CCDC102B: variants seen among roughly 807,000 people sequenced by gnomAD.
The protein encoded by CCDC102B is coiled-coil domain containing 102B.
Under a neutral mutation model 57.4 loss-of-function variants are expected in CCDC102B, and 75 were observed. The observed-to-expected ratio is 1.31, with a 90% CI of 1.08 to 1.58. CCDC102B has a LOEUF of 1.58. Among genes scored for constraint, CCDC102B ranks in the 40% most tolerant of loss-of-function variants. The probability of loss-of-function intolerance (pLI) is 0.00; values close to 1 mark genes in which losing one functional copy is unlikely to be tolerated. For synonymous variants in CCDC102B, 206 were observed against 201.9 expected (o/e 1.02, Z -0.17); for missense variants, 636 against 582.6 (o/e 1.09, Z -0.94).
intron 4 of CCDC102B, among the ~76,000 whole-genome samples, chr18:68,864,402 AT>A (rs945694833): frequency 3.9e-5 from 6 of 152,048 alleles, no homozygotes; most frequent in African/African-American, 1.4e-4. Flanking sequence ...AAATACTGAT[AT>A]TGGGATCCTA....
chr18:68,892,686 G>A (rs184850363), intron 5 of CCDC102B, among the ~76,000 whole-genome samples: 5 of 152,108 alleles, frequency 3.3e-5, no homozygotes, highest in East Asian at 1.9e-4. Context: ...ATCTATTTTT[G>A]TATTGATTAC....
upstream of CCDC102B, among the ~76,000 whole-genome samples, chr18:68,797,190 A>G (rs2035660070): frequency 6.6e-6 from 1 of 152,146 alleles, no homozygotes; most frequent in Non-Finnish European, 1.5e-5. Context: ...GTAAGTGGGA[A>G]AAGAATGTTA....
chr18:68,733,083 T>C (rs1374859759), intron 2 of CCDC102B, among the ~76,000 whole-genome samples: 4 of 152,022 alleles, frequency 2.6e-5, no homozygotes, highest in East Asian at 3.9e-4. Context: ...TTATGTAAAT[T>C]CGCAAGTCTT....
At chr18:68,770,376 T>C (rs1169483524) in intron 2 of CCDC102B, among the ~76,000 whole-genome samples, 1 of 152,256 alleles carries the variant, frequency 6.6e-6, no homozygotes, top group African/African-American at 2.4e-5. Flanking sequence ...TTATTTCTTA[T>C]GTATCCATGT....
intron 2 of CCDC102B, chr18:68,753,263 G>A (rs1201096430): frequency 3.3e-5 from 5 of 151,842 alleles, no homozygotes; most frequent in South Asian, 2.1e-4. Flanking sequence ...TACACTTTTC[G>A]TGCTTGAGAA....
intron 4 of CCDC102B, among the ~76,000 whole-genome samples, chr18:68,870,065 A>C (rs1043260928): frequency 1.3e-5 from 2 of 152,032 alleles, no homozygotes; most frequent in African/African-American, 4.8e-5. Flanking sequence ...GGCCTCTGGA[A>C]ACCATAATTC....
chr18:68,728,120 G>A (rs2032684044), intron 2 of CCDC102B, among the ~76,000 whole-genome samples: 1 of 152,138 alleles, frequency 6.6e-6, no homozygotes, highest in Non-Finnish European at 1.5e-5. Flanking sequence ...TGGACATTCT[G>A]GAGGTCAAGC....
chr18:68,897,507 A>C lies in CCDC102B; in HGVS notation c.1263+79A>C, dbSNP rs944195202. ...ACGCAGAGTCTGTCTTCACTCGTACACGCCTCCACATTTGGATATTTCCTT... is the reference window on the plus strand; with the variant it reads ...ACGCAGAGTCTGTCTTCACTCGTACCCGCCTCCACATTTGGATATTTCCTT... On this transcript the variant is annotated intron_variant, in intron 6 of 7. Coordinates refer to ENST00000360242, the MANE Select transcript of CCDC102B (RefSeq NM_024781.3). The C allele has an allele frequency of 1.7e-5, 26 of 1,548,224 alleles. No individual in the cohort carries two copies. The African/African-American group carries it at 3.3e-4, about 19-fold the overall frequency.
chr18:68,831,321 G>T (rs553261664), intron 1 of CCDC102B, among the ~76,000 whole-genome samples: 20 of 152,142 alleles, frequency 1.3e-4, no homozygotes, highest in African/African-American at 4.8e-4. Flanking sequence ...AATAGCAATA[G>T]CTTGAAGAGG....
intron 6 of CCDC102B, among the ~76,000 whole-genome samples, chr18:68,999,133 C>T (rs1168630751): frequency 6.6e-6 from 1 of 151,134 alleles, no homozygotes; most frequent in African/African-American, 2.4e-5. Context: ...GAGAAGTTTT[C>T]CTGGAGTCAT....
chr18:69,005,808 G>GTA (rs369385857), intron 6 of CCDC102B, among the ~76,000 whole-genome samples: 1,591 of 150,480 alleles, frequency 0.011, 17 homozygotes, highest in African/African-American at 0.018. Flanking sequence ...ATTAAAATAT[G>GTA]TATATATATA....
intron 7 of CCDC102B, among the ~76,000 whole-genome samples, chr18:69,034,251 G>T (rs1454263018): frequency 6.6e-6 from 1 of 151,534 alleles, no homozygotes; most frequent in Non-Finnish European, 1.5e-5. Flanking sequence ...TTTCTCTATT[G>T]TTGCTTGAGC....
rs775658277 is a variant in CCDC102B at position 68,839,027 on chromosome 18, TG to T, written c.827+102del. 21 of 947,718 alleles carry T rather than the reference TG, an allele frequency of 2.2e-5. No individual in the cohort carries two copies. In the African/African-American group the frequency reaches 3.1e-4, roughly 14 times the overall value. 58.7% of individuals were successfully genotyped at this position (947,718 alleles called of 1,614,324 possible). On this transcript the variant is annotated intron_variant, in intron 3 of 7. Coordinates refer to ENST00000360242, the MANE Select transcript of CCDC102B (RefSeq NM_024781.3). ...GTCATTTGATAATGTATTTTATCCA[TG>T]TTTAGTCATTAAGTTTTAGGATTTA...
chr18:69,008,883 T>C (rs2051424333), intron 6 of CCDC102B, among the ~76,000 whole-genome samples: 1 of 152,222 alleles, frequency 6.6e-6, no homozygotes, highest in South Asian at 2.1e-4. Flanking sequence ...TCCATGTGAA[T>C]ATATAAAAGG....
chr18:68,907,528 C>CT (rs996055740), intron 6 of CCDC102B, among the ~76,000 whole-genome samples: 24 of 152,128 alleles, frequency 1.6e-4, no homozygotes, highest in African/African-American at 5.3e-4. Flanking sequence ...GAATTTATTC[C>CT]TATGTATTTC....
At chr18:68,996,610 C>A (rs1202227615) in intron 6 of CCDC102B, among the ~76,000 whole-genome samples, 2 of 152,160 alleles carry the variant, frequency 1.3e-5, no homozygotes, top group Non-Finnish European at 2.9e-5. Flanking sequence ...GGGCCTGTCG[C>A]CCTTTGTTTT....
rs1491274598 is a variant in CCDC102B, at chr18:68,956,530, T to TATAA, written c.1264-54404_1264-54403insATAA. Among the ~76,000 whole-genome samples the TATAA allele has an allele frequency of 2.3e-4, 2 of 8,662 alleles. 1 individual carries two copies. Among genetic ancestry groups the TATAA allele is most frequent in the African/African-American group, 1.1e-3 (2 of 1,882 alleles). The allele number at this position is 8,662 out of a possible 152,430, so 5.7% of individuals were successfully genotyped here. On this transcript the variant is annotated intron_variant, in intron 6 of 7. Transcript: ENST00000360242. ...ATATATATATCGCATATTATATATATTATATATTTTATATATATAAATATT... is the reference window on the plus strand; with the variant it reads ...ATATATATATCGCATATTATATATATATAATATATATTTTATATATATAAATATT...
intron 6 of CCDC102B, among the ~76,000 whole-genome samples, chr18:68,954,359 G>A (rs1282021272): frequency 6.6e-6 from 1 of 152,180 alleles, no homozygotes; most frequent in Non-Finnish European, 1.5e-5. Flanking sequence ...GGCAGAGGTT[G>A]TAGTGAGCCG....
chr18:68,757,490 A>C (rs1389806751), intron 2 of CCDC102B, among the ~76,000 whole-genome samples: 1 of 152,210 alleles, frequency 6.6e-6, no homozygotes, highest in African/African-American at 2.4e-5. Context: ...CTGGTCAACC[A>C]GATGAAATTT....
Sources: gnomAD v4.1 joint callset for allele counts (sites outside exome capture counted in the v4.1 genomes callset) on GRCh38, gnomAD v4.1.1 for gene constraint, MANE v1.5 for transcripts, NCBI Gene and HGNC (gene_info 2026-07-23, HGNC 2026-07-21) for gene names.